The following ZNF577 variants were observed in gnomAD, a reference collection of about 807,000 sequenced individuals.
The protein encoded by ZNF577 is zinc finger protein 577.
In ZNF577, 14 loss-of-function variants were observed where a neutral mutation model predicts 13.9. The ratio of observed to expected loss-of-function variants is 1.00; its 90% CI spans 0.66 to 1.57. The LOEUF (loss-of-function observed/expected upper bound fraction) is 1.57. Ranked by LOEUF, ZNF577 falls within the 40% of genes most tolerant of loss-of-function variation. The pLI is 0.00. For missense variants in ZNF577, 555 were observed against 579.2 expected (o/e 0.96, Z 0.43); for synonymous variants, 203 against 202.9 (o/e 1.00, Z 0.00).
intron 9 of ZNF577, among the ~76,000 whole-genome samples, chr19:51,839,308 C>A (rs1476186134): frequency 6.6e-6 from 1 of 152,166 alleles, no homozygotes; most frequent in Non-Finnish European, 1.5e-5. Flanking sequence ...ACAGGAGGAT[C>A]ACTTGAGCCC....
intron 9 of ZNF577, among the ~76,000 whole-genome samples, chr19:51,833,597 G>C (rs2084272501): frequency 6.6e-6 from 1 of 152,180 alleles, no homozygotes; most frequent in Non-Finnish European, 1.5e-5. Flanking sequence ...CTTACCAAAT[G>C]AGAGAAAAAT....
At position 51,868,675 on chromosome 19, in the gene ZNF577, G is replaced by A. The variant is rs76940013; in HGVS notation, c.*3857C>T. 0.066 allele frequency among the ~76,000 whole-genome samples: 10,006 copies of A among 152,022 alleles called. 464 individuals carry two copies. Among genetic ancestry groups the A allele is most frequent in the Non-Finnish European group, 0.099 (6,710 of 67,982 alleles). On this transcript the variant is annotated 3_prime_UTR_variant, in exon 6 of 6. Coordinates refer to ENST00000638348, the MANE Select transcript of ZNF577 (RefSeq NM_001370449.1). ...GTTCTGACTACTACCGTCTTCAACT[G>A]CCTTGAACACCCAGATAGAATTCAC...
At chr19:51,831,413 G>A (rs776495359) in intron 9 of ZNF577, among the ~76,000 whole-genome samples, 12 of 152,170 alleles carry the variant, frequency 7.9e-5, no homozygotes, top group Admixed American at 4.6e-4. Flanking sequence ...CACTGCACCC[G>A]GCCTATTGAT....
At chr19:51,827,759 C>A (rs920585816) in intron 9 of ZNF577, among the ~76,000 whole-genome samples, 5 of 152,198 alleles carry the variant, frequency 3.3e-5, no homozygotes, top group African/African-American at 4.8e-5. Context: ...TAACTCATAA[C>A]TCAGCCCTTT....
intron 1 of ZNF577, among the ~76,000 whole-genome samples, chr19:51,882,718 A>G (rs1342202289): frequency 6.6e-6 from 1 of 152,152 alleles, no homozygotes; most frequent in Non-Finnish European, 1.5e-5. Context: ...CAGGAGTTCC[A>G]GGCTGAATTG....
chr19:51,856,886 T>C (rs924123382), intron 5 of ZNF577, among the ~76,000 whole-genome samples: 3 of 152,066 alleles, frequency 2.0e-5, no homozygotes, highest in East Asian at 1.9e-4. Flanking sequence ...AAGTACTTCC[T>C]AGAAGCAGCA....
chr19:51,852,548 T>C (rs1019913854), intron 5 of ZNF577, among the ~76,000 whole-genome samples: 2 of 152,276 alleles, frequency 1.3e-5, no homozygotes, highest in East Asian at 3.9e-4. Flanking sequence ...AAAGAATACA[T>C]TCCCTCACCG....
chr19:51,812,102 T>C (rs1344279313), intron 9 of ZNF577, among the ~76,000 whole-genome samples: 1 of 152,200 alleles, frequency 6.6e-6, no homozygotes, highest in Non-Finnish European at 1.5e-5. Context: ...GGTAGGTTGC[T>C]CTAAAACAGA....
chr19:51,873,038 T>C lies in ZNF577; in HGVS notation c.952A>G (p.Arg318Gly), dbSNP rs771770031. The C allele has an allele frequency of 2.5e-6, 4 of 1,614,196 alleles. No homozygotes were observed. Among genetic ancestry groups the C allele is most frequent in the Non-Finnish European group, 3.4e-6 (4 of 1,180,044 alleles). Residue 318 changes from arginine (R) to glycine (G), a missense_variant, in exon 6 of 6, where the codon AGG becomes GGG. By Grantham distance (125) the Arg-to-Gly change is moderately radical. Transcript: ENST00000638348. ...YFKSDLTRHQ[R>G]IHTGEKPYEC... ...TAAGGTTTCTCTCCCGTATGAATCCTCTGATGTCTGGTCAGGTCTGACTTA... is the reference window on the plus strand; with the variant it reads ...TAAGGTTTCTCTCCCGTATGAATCCCCTGATGTCTGGTCAGGTCTGACTTA...
intron 5 of ZNF577, chr19:51,860,629 T>C (rs6509581): frequency 0.26 from 42,940 of 167,874 alleles, 7,968 homozygotes; most frequent in African/African-American, 0.53. Flanking sequence ...GTATCTGATG[T>C]ATATGTCACT....
At chr19:51,840,300 A>G (rs1221006250) in intron 8 of ZNF577, among the ~76,000 whole-genome samples, 4 of 152,160 alleles carry the variant, frequency 2.6e-5, no homozygotes, top group Admixed American at 2.6e-4. Flanking sequence ...GGCTGCACCT[A>G]TTTAGCCCCA....
chr19:51,865,837 C>T (rs1403305556), downstream of ZNF577, among the ~76,000 whole-genome samples: 4 of 152,134 alleles, frequency 2.6e-5, no homozygotes, highest in Admixed American at 1.3e-4. Flanking sequence ...ATATCACTGG[C>T]TGGGTGCGGT....
intron 9 of ZNF577, among the ~76,000 whole-genome samples, chr19:51,820,706 T>C (rs974101842): frequency 9.9e-5 from 15 of 152,216 alleles, no homozygotes; most frequent in African/African-American, 2.9e-4. Flanking sequence ...GGGTTAACCA[T>C]ACAATTCTGT....
intron 9 of ZNF577, among the ~76,000 whole-genome samples, chr19:51,836,399 T>A (rs1413247010): frequency 6.6e-6 from 1 of 152,212 alleles, no homozygotes; most frequent in Non-Finnish European, 1.5e-5. Context: ...TTGAAATAGA[T>A]ATTCTGACGG....
rs537418574 is a variant in ZNF577, at chr19:51,875,487, C to T, written c.284-1781G>A. Among the ~76,000 whole-genome samples, 9 of 152,062 alleles carry T rather than the reference C, an allele frequency of 5.9e-5. 1 individual carries two copies. Among genetic ancestry groups the T allele is most frequent in the African/African-American group, 1.7e-4 (7 of 41,458 alleles). ...GCAGTATCTGGATGTAAAAATGCAA[C>T]GTGATCAAATGCACAGATGTCAGTC... On this transcript the variant is annotated intron_variant, in intron 5 of 5. Coordinates refer to ENST00000638348, the MANE Select transcript of ZNF577 (RefSeq NM_001370449.1).
Position 51,824,509 on chromosome 19 carries a change from G to C in ZNF577, c.*600-12835C>G, listed in dbSNP as rs1251596705. The C allele has an allele frequency of 6.2e-7, 1 of 1,613,942 alleles. No individual in the cohort carries two copies. Among genetic ancestry groups the C allele is most frequent in the Non-Finnish European group, 8.5e-7 (1 of 1,179,962 alleles). ...GTGGTGGCTTCTTTCTTCATCTGTT[G>C]GTTCCCTTATGAACTAATTGGCATT... On this transcript the variant is annotated intron_variant and NMD_transcript_variant, in intron 9 of 10. Transcript: ENST00000638827. The surrounding 1 kb of genome is among the most constrained non-coding windows in gnomAD (Gnocchi z 4.7).
rs140894317 is a variant in ZNF577, at chr19:51,822,903, T to C, written c.*600-11229A>G. Among the ~76,000 whole-genome samples, 1,370 of 152,170 alleles carry C rather than the reference T, an allele frequency of 9.0e-3. 24 individuals carry two copies. The highest frequency in any genetic ancestry group is 0.032 in the African/African-American group (1,312 of 41,522). On this transcript the variant is annotated intron_variant and NMD_transcript_variant, in intron 9 of 10. Transcript: ENST00000638827. ...GGGGGAAATGGAATCTACTCTGACA[T>C]CCAGACTGAAGTGCAGTGGCACGAT...
At chr19:51,884,185 A>G (rs2084907660) in intron 1 of ZNF577, among the ~76,000 whole-genome samples, 1 of 151,852 alleles carries the variant, frequency 6.6e-6, no homozygotes, top group Non-Finnish European at 1.5e-5. Context: ...GCCGAGGCAG[A>G]AGGACTGCTT....
intron 4 of ZNF577, 149 bp downstream of exon 4, chr19:51,878,240 G>A (rs1418914894): frequency 3.6e-6 from 3 of 838,554 alleles, no homozygotes; most frequent in East Asian, 2.8e-5. Context: ...TTATGGTTAA[G>A]ACGGTAAATT....
Sources: gnomAD v4.1 joint callset for allele counts (sites outside exome capture counted in the v4.1 genomes callset) on GRCh38, gnomAD v4.1.1 for gene constraint, Gnocchi (gnomAD v3.1) non-coding constraint, MANE v1.5 for transcripts, NCBI Gene and HGNC (gene_info 2026-07-23, HGNC 2026-07-21) for gene names.